The following DUSP16 variants were observed in gnomAD, a reference collection of about 807,000 sequenced individuals.
DUSP16 encodes the protein dual specificity protein phosphatase 16.
DUSP16 carries 21 observed loss-of-function variants against 58.3 expected under a neutral mutation model. The ratio of observed to expected loss-of-function variants is 0.36; its 90% confidence interval spans 0.26 to 0.52. The LOEUF (loss-of-function observed/expected upper bound fraction) is 0.52, where lower values mean the gene tolerates loss of function less well. Ranked by LOEUF, DUSP16 falls within the 20% of genes least tolerant of loss-of-function variation. DUSP16 has a pLI of 0.94. For synonymous variants in DUSP16, 320 were observed against 323.8 expected, an observed-to-expected ratio of 0.99 and a Z score of 0.12; for missense variants, 726 against 819.0, an observed-to-expected ratio of 0.89 and a Z score of 1.39.
chr12:12,543,165 CGTT>C lies in DUSP16; in HGVS notation c.-366+18949_-366+18951del, dbSNP rs201894383. The stretch of plus-strand genomic sequence containing the variant: ...GACAGTACAATGCTATGAAGAATGT[CGTT>C]GTGTCAACTTACAGGACTGAAATAC... On this transcript the variant is annotated intron_variant, in intron 1 of 6. Coordinates refer to ENST00000298573, the MANE Select transcript of DUSP16 (RefSeq NM_030640.3). 8.0e-3 allele frequency among the ~76,000 whole-genome samples: 1,224 copies of C among 152,270 alleles called. 49 individuals are homozygous for C. Among genetic ancestry groups the C allele is most frequent in the Admixed American group, 0.068 (1,045 of 15,294 alleles).
chr12:12,555,903 T>C (rs1206996037), intron 1 of DUSP16, among the ~76,000 whole-genome samples: 1 of 152,116 alleles, frequency 6.6e-6, no homozygotes, highest in Non-Finnish European at 1.5e-5. Flanking sequence ...TAGCTAGGTA[T>C]AGTTGCACAT....
At chr12:12,502,993 G>C (rs1030160075) in intron 3 of DUSP16, among the ~76,000 whole-genome samples, 2 of 152,118 alleles carry the variant, frequency 1.3e-5, no homozygotes, top group Admixed American at 1.3e-4. Context: ...ATACAGCAGA[G>C]GAAGTAAGAA....
Position 12,475,532 on chromosome 12 carries a change from A to T in DUSP16, c.*1301T>A, listed in dbSNP as rs959508529. 1.3e-5 allele frequency: 2 copies of T among 152,178 alleles called. No individual in the cohort carries two copies. The highest frequency in any genetic ancestry group is 4.8e-5 in the African/African-American group (2 of 41,442). 9.4% of individuals were successfully genotyped at this position (152,178 alleles called of 1,614,324 possible). On this transcript the variant is annotated 3_prime_UTR_variant, in exon 7 of 7. Coordinates refer to ENST00000298573, the MANE Select transcript of DUSP16 (RefSeq NM_030640.3). ...CTCTATTCACAACTGATCAAAACTC[A>T]ATGGTCTTCTCAGCTTTCTCAACCG... is the stretch of plus-strand genomic sequence containing the variant.
chr12:12,493,408 A>C (rs1943788024), intron 4 of DUSP16, among the ~76,000 whole-genome samples: 2 of 152,162 alleles, frequency 1.3e-5, no homozygotes, highest in African/African-American at 4.8e-5. Context: ...TCCATCCAGT[A>C]GGAAATTCAG....
intron 5 of DUSP16, among the ~76,000 whole-genome samples, chr12:12,481,781 G>C (rs1011845833): frequency 1.3e-5 from 2 of 151,922 alleles, no homozygotes; most frequent in African/African-American, 4.9e-5. Context: ...ATATAAACTC[G>C]TGTACACAGT....
chr12:12,546,997 T>C (rs374340982), intron 1 of DUSP16, among the ~76,000 whole-genome samples: 10 of 152,306 alleles, frequency 6.6e-5, no homozygotes, highest in Admixed American at 1.3e-4. Flanking sequence ...CATGATATCA[T>C]TGTCCATATG....
At chr12:12,500,769 A>ACC (rs1199368865) in intron 3 of DUSP16, 87 bp from the exon 4 acceptor site, 3 of 1,264,986 alleles carry the variant, frequency 2.4e-6, no homozygotes, top group Non-Finnish European at 3.2e-6. Flanking sequence ...AACAGTTTAA[A>ACC]CCCACGAATC....
chr12:12,510,819 G>A (rs1022318870), intron 3 of DUSP16, among the ~76,000 whole-genome samples: 1 of 152,182 alleles, frequency 6.6e-6, no homozygotes, highest in Non-Finnish European at 1.5e-5. Flanking sequence ...AAAACAACTA[G>A]GTAAATAGCA....
At chr12:12,488,995 G>C (rs150945574) in intron 4 of DUSP16, among the ~76,000 whole-genome samples, 1 of 152,136 alleles carries the variant, frequency 6.6e-6, no homozygotes, top group Non-Finnish European at 1.5e-5. Flanking sequence ...CAGAAGAATC[G>C]CTTGAACTCA....
At chr12:12,502,514 C>A (rs1592178610) in intron 3 of DUSP16, among the ~76,000 whole-genome samples, 1 of 151,954 alleles carries the variant, frequency 6.6e-6, no homozygotes, top group East Asian at 1.9e-4. Context: ...TGTCACAGGC[C>A]CTCAGGATAC....
chr12:12,503,982 G>C (rs1314336986), intron 3 of DUSP16, among the ~76,000 whole-genome samples: 1 of 152,074 alleles, frequency 6.6e-6, no homozygotes, highest in Non-Finnish European at 1.5e-5. Context: ...AAAAAAAGGG[G>C]GTCAGCCAAT....
At chr12:12,503,343 A>C (rs1442209600) in intron 3 of DUSP16, among the ~76,000 whole-genome samples, 2 of 150,068 alleles carry the variant, frequency 1.3e-5, no homozygotes, top group Non-Finnish European at 2.9e-5. Flanking sequence ...CTCCTGCCTC[A>C]GCCTCCCGAG....
intron 4 of DUSP16, among the ~76,000 whole-genome samples, chr12:12,499,293 T>C (rs1392298637): frequency 6.6e-6 from 1 of 152,220 alleles, no homozygotes; most frequent in African/African-American, 2.4e-5. Context: ...TAATTTTGCT[T>C]TCTGTAACAT....
intron 3 of DUSP16, among the ~76,000 whole-genome samples, chr12:12,517,813 G>A (rs1050365333): frequency 1.3e-5 from 2 of 152,222 alleles, no homozygotes; most frequent in African/African-American, 4.8e-5. Flanking sequence ...GGCTCCTGGT[G>A]CTGCCTCCAT....
At chr12:12,551,223 T>C (rs1026248835) in intron 1 of DUSP16, among the ~76,000 whole-genome samples, 8 of 152,028 alleles carry the variant, frequency 5.3e-5, no homozygotes, top group African/African-American at 1.9e-4. Flanking sequence ...AATATTGGGC[T>C]GCTGGCCGTG....
At chr12:12,560,946 T>TCACACACCCA (rs56190302) in intron 1 of DUSP16, 1 of 148,248 alleles carries the variant, frequency 6.7e-6, no homozygotes, top group African/African-American at 2.5e-5. Context: ...ATGGTAAATT[T>TCACACACCCA]CACACACACA....
chr12:12,543,406 G>A (rs912887987), intron 1 of DUSP16, among the ~76,000 whole-genome samples: 6 of 152,128 alleles, frequency 3.9e-5, no homozygotes, highest in African/African-American at 1.4e-4. Context: ...ACTGGTAATA[G>A]TAGATGCTGT....
rs747004366 is a variant in DUSP16, at chr12:12,500,535, C to T, written c.515G>A (p.Arg172Gln). Residue 172 changes from arginine (R) to glutamine (Q), a missense_variant, in exon 4 of 7, where the codon CGA (arginine) becomes CAA (glutamine). Coordinates refer to ENST00000298573, the MANE Select transcript of DUSP16 (RefSeq NM_030640.3). Reference sequence around the variant, plus strand: ...AGCACCCACCTTGTTGAGGACATCTCGCTGGCAGCCAAGATAAAGATTGGG... The same window carrying T: ...AGCACCCACCTTGTTGAGGACATCTTGCTGGCAGCCAAGATAAAGATTGGG... The part of the protein sequence containing the change: ...ILPNLYLGCQ[R>Q]DVLNKELMQQ... The T allele has an allele frequency of 5.0e-6, 8 of 1,609,206 alleles. No individual in the cohort carries two copies. Among genetic ancestry groups the T allele is most frequent in the East Asian group, 2.2e-5 (1 of 44,582 alleles).
chr12:12,487,270 G>A lies in DUSP16; in HGVS notation c.532-83C>T, dbSNP rs1007368413. 18 of 1,425,802 alleles carry A rather than the reference G, an allele frequency of 1.3e-5. No homozygotes were observed. The African/African-American group carries it at 2.3e-4, about 18-fold the overall frequency. 88.3% of individuals were successfully genotyped at this position (1,425,802 alleles called of 1,614,324 possible). A position where few individuals can be genotyped will look rare whatever the true frequency, so the allele number is the denominator to read the frequency against. ...CTGAAAGAGTGAAGTTTAATGTGAT[G>A]ATAAAAATGCCCAGTTTCCTTGAAA... On this transcript the variant is annotated intron_variant, in intron 4 of 6. Coordinates refer to ENST00000298573, the MANE Select transcript of DUSP16 (RefSeq NM_030640.3).
Sources: gnomAD v4.1 joint callset for allele counts (sites outside exome capture counted in the v4.1 genomes callset) on GRCh38, gnomAD v4.1.1 for gene constraint, MANE v1.5 for transcripts, NCBI Gene and HGNC (gene_info 2026-07-23, HGNC 2026-07-21) for gene names.